Variants in UAP1L1 observed in about 807,000 individuals in gnomAD.
UAP1L1 encodes the protein UDP-N-acetylhexosamine pyrophosphorylase-like protein 1.
A neutral mutation model predicts 45.3 loss-of-function variants in UAP1L1; 45 were observed. The ratio of observed to expected loss-of-function variants is 0.99; its 90% CI spans 0.78 to 1.27. UAP1L1 has a LOEUF of 1.27. Ranked by LOEUF, UAP1L1 falls within the 50% of genes most tolerant of loss-of-function variation. UAP1L1 has a pLI of 0.00. For synonymous variants in UAP1L1, 323 were observed against 303.9 expected (o/e 1.06, Z -0.65); for missense variants, 667 against 694.0 (o/e 0.96, Z 0.44).
chr9:137,081,596 A>T (rs1226613093), intron 7 of UAP1L1, among the ~76,000 whole-genome samples: 3 of 151,716 alleles, frequency 2.0e-5, no homozygotes, highest in Admixed American at 6.6e-5. Flanking sequence ...CTTTTAGGGG[A>T]TCCATCACCC....
chr9:137,078,177 C>A lies in UAP1L1; in HGVS notation c.417C>A (p.Tyr139Ter). 1 of 1,550,026 alleles carries A rather than the reference C, an allele frequency of 6.5e-7. No homozygotes were observed. Among genetic ancestry groups the A allele is most frequent in the South Asian group, 1.2e-5 (1 of 84,050 alleles). The change falls in exon 2 of 9, where the codon TAC becomes TAA. Residue 139 changes from tyrosine (Y) to a stop codon, truncating the protein, a stop_gained. Coordinates refer to ENST00000409858, the MANE Select transcript of UAP1L1 (RefSeq NM_207309.3). LOFTEE classifies it high-confidence loss of function. ...GGCTGCCCAGCCGGAAGACCCTGTA[C>A]CAGCTGCAGGCGGAGCGGATTCGGC... ...RVGLPSRKTL[Y>*]QLQAERIRRV...
Position 137,077,529 on chromosome 9 carries a change from C to T in UAP1L1, c.-4C>T. ...GTGCCGACTTGACAGACGGCAGCGG[C>T]GACATGGCTTCGGAGCAGGACGTGC... On this transcript the variant is annotated 5_prime_UTR_variant, in exon 1 of 9. Transcript: ENST00000409858. The surrounding 1 kb of genome is among the most constrained non-coding windows in gnomAD (Gnocchi z 4.7). The T allele has an allele frequency of 7.3e-7, 1 of 1,366,824 alleles. No individual in the cohort carries two copies. The highest frequency in any genetic ancestry group is 1.4e-5 in the South Asian group (1 of 70,848). 84.7% of individuals were successfully genotyped at this position (1,366,824 alleles called of 1,614,324 possible). A position where few individuals can be genotyped will look rare whatever the true frequency, so the allele number is the denominator to read the frequency against.
rs546839127 is a variant in UAP1L1 at position 137,080,772 on chromosome 9, G to A, written c.1262G>A (p.Arg421His). The change falls in exon 7 of 9, where the codon CGC becomes CAC. Residue 421 changes from arginine (R) to histidine (H), a missense_variant. Physicochemically the swap from Arg to His is conservative, Grantham distance 29. Transcript: ENST00000409858. ...NAEPADRDSP[R>H]TARQALLTQH... ...GAGCCAGCCGACAGGGACAGTCCCC[G>A]CACCGCTCGCCAGGCCCTGCTCACC... is the stretch of plus-strand genomic sequence containing the variant. 1.1e-5 allele frequency: 17 copies of A among 1,612,732 alleles called. No individual in the cohort carries two copies. Among genetic ancestry groups the A allele is most frequent in the Middle Eastern group, 3.3e-4 (2 of 6,058 alleles).
chr9:137,081,190 ATTTATT>A (rs923934234), intron 7 of UAP1L1, among the ~76,000 whole-genome samples: 8 of 151,894 alleles, frequency 5.3e-5, no homozygotes, highest in Admixed American at 1.3e-4. Context: ...GCTTTTATTT[ATTTATT>A]TTTATTTTTA....
At position 137,080,680 on chromosome 9, in the gene UAP1L1, C is replaced by T. The variant is rs753594625; in HGVS notation, c.1179-9C>T. ...CTGGGACGTGGGTGACTAGCCCTTT[C>T]CCCACCAGGAACTTTGCTGCCTTGG... On this transcript the variant is annotated splice_polypyrimidine_tract_variant and intron_variant, in intron 6 of 8. Coordinates refer to ENST00000409858, the MANE Select transcript of UAP1L1 (RefSeq NM_207309.3). 6.2e-7 allele frequency: 1 copy of T among 1,605,876 alleles called. No homozygotes were observed. Among genetic ancestry groups the T allele is most frequent in the Non-Finnish European group, 8.5e-7 (1 of 1,176,198 alleles).
intron 6 of UAP1L1, 36 bp from the exon 7 acceptor site, chr9:137,080,653 T>G (rs759641994): frequency 1.3e-6 from 2 of 1,577,370 alleles, no homozygotes; most frequent in Admixed American, 1.7e-5. Context: ...AGGGCCTCTG[T>G]GCTGGGACGT....
rs1484708666 is a variant in UAP1L1, at chr9:137,082,368, G to A, written c.1432-269G>A. On this transcript the variant is annotated intron_variant, in intron 8 of 8. Transcript: ENST00000409858. This position sits in a 1 kb window ranked among gnomAD's most constrained non-coding sequence, Gnocchi z 5.7. Reference sequence around the variant, plus strand: ...GGACACCGGCCTCTGCTACCTCCCTGACCTCGGCTGCCCTTGCCCCTTTCT... The same window carrying A: ...GGACACCGGCCTCTGCTACCTCCCTAACCTCGGCTGCCCTTGCCCCTTTCT... The A allele has an allele frequency of 3.4e-6, 2 of 596,508 alleles. No homozygotes were observed. Among genetic ancestry groups the A allele is most frequent in the Non-Finnish European group, 6.0e-6 (2 of 335,998 alleles). 37.0% of individuals were successfully genotyped at this position (596,508 alleles called of 1,614,324 possible).
Position 137,077,917 on chromosome 9 carries a change from G to T in UAP1L1, c.289+96G>T. The T allele has an allele frequency of 6.7e-6, 10 of 1,498,252 alleles. No individual in the cohort carries two copies. The South Asian group carries it at 1.3e-4, about 19-fold the overall frequency. 92.8% of individuals were successfully genotyped at this position (1,498,252 alleles called of 1,614,324 possible). A position where few individuals can be genotyped will look rare whatever the true frequency, so the allele number is the denominator to read the frequency against. On this transcript the variant is annotated intron_variant, in intron 1 of 8. Coordinates refer to ENST00000409858, the MANE Select transcript of UAP1L1 (RefSeq NM_207309.3). This position sits in a 1 kb window ranked among gnomAD's most constrained non-coding sequence, Gnocchi z 4.7. ...CGCTCGGGGAACTGTAGTTCTCCTCGCTACTTTGAGACGTGTCTCGCCTCA... is the reference window on the plus strand; with the variant it reads ...CGCTCGGGGAACTGTAGTTCTCCTCTCTACTTTGAGACGTGTCTCGCCTCA...
intron 2 of UAP1L1, 36 bp downstream of exon 2, chr9:137,078,290 C>T (rs1206226597): frequency 6.6e-7 from 1 of 1,515,256 alleles, no homozygotes; most frequent in African/African-American, 1.4e-5. Context: ...CCCGGAGGTA[C>T]CCTTCCCCAC....
chr9:137,080,629 C>T, intron 6 of UAP1L1, 60 bp from the exon 7 acceptor site: 3 of 1,529,802 alleles, frequency 2.0e-6, no homozygotes, highest in South Asian at 2.5e-5. Flanking sequence ...GCCCAGCTCT[C>T]ACCTGCCCGG....
In UAP1L1 at chr9:137,082,553, G is replaced by T; in HGVS notation, c.1432-84G>T. Reference sequence around the variant, plus strand: ...CCAGGCAGACCTGGGATCGCACCTGGGGACTGTGGCTCTTGGTGTGGCCAG... The same window carrying T: ...CCAGGCAGACCTGGGATCGCACCTGTGGACTGTGGCTCTTGGTGTGGCCAG... On this transcript the variant is annotated intron_variant, in intron 8 of 8. Transcript: ENST00000409858. This position sits in a 1 kb window ranked among gnomAD's most constrained non-coding sequence, Gnocchi z 5.7. 8.7e-7 allele frequency: 1 copy of T among 1,153,700 alleles called. No individual in the cohort carries two copies. The highest frequency in any genetic ancestry group is 1.3e-6 in the Non-Finnish European group (1 of 791,606). 71.5% of individuals were successfully genotyped at this position (1,153,700 alleles called of 1,614,324 possible).
Position 137,078,095 on chromosome 9 carries a change from C to T in UAP1L1, c.335C>T (p.Ala112Val). Residue 112 changes from alanine (A) to valine (V), a missense_variant, in exon 2 of 9, where the codon GCT becomes GTT. Coordinates refer to ENST00000409858, the MANE Select transcript of UAP1L1 (RefSeq NM_207309.3). ...AACAAGGTGGCCGTCCTGCTGCTGGCTGGGGGGCAGGGCACTCGCCTGGGC... is the reference window on the plus strand; with the variant it reads ...AACAAGGTGGCCGTCCTGCTGCTGGTTGGGGGGCAGGGCACTCGCCTGGGC... Reference protein sequence around the residue: ...SLNKVAVLLLAGGQGTRLGVT... With the variant: ...SLNKVAVLLLVGGQGTRLGVT... The T allele has an allele frequency of 6.5e-7, 1 of 1,550,258 alleles. No homozygotes were observed. Among genetic ancestry groups the T allele is most frequent in the South Asian group, 1.2e-5 (1 of 84,068 alleles).
intron 5 of UAP1L1, 129 bp from the exon 6 acceptor site, chr9:137,079,873 C>A: frequency 8.9e-7 from 1 of 1,125,666 alleles, no homozygotes; most frequent in Non-Finnish European, 1.3e-6. Context: ...TCTGCCGCTT[C>A]TGTGCCCTGT....
In UAP1L1 at chr9:137,079,985, G is replaced by T. The variant is rs1588572287; in HGVS notation, c.1038-17G>T. On this transcript the variant is annotated splice_polypyrimidine_tract_variant and intron_variant, in intron 5 of 8. Coordinates refer to ENST00000409858, the MANE Select transcript of UAP1L1 (RefSeq NM_207309.3). ...CTGATCTGTTTCTTTCCTCCCCTCT[G>T]CTCTCCCGTGCCCCAGGGAGTTTGA... The T allele has an allele frequency of 2.5e-6, 4 of 1,612,456 alleles. No homozygotes were observed. Among genetic ancestry groups the T allele is most frequent in the African/African-American group, 1.3e-5 (1 of 74,442 alleles).
chr9:137,084,302 G>A lies in UAP1L1; in HGVS notation c.*1573G>A, dbSNP rs1238619930. ...CTCCAGGCCAGCCTCAGCCTCCCTA[G>A]TAGCTGGGACTACAGGCACCCACTA... On this transcript the variant is annotated 3_prime_UTR_variant, in exon 9 of 9. Transcript: ENST00000409858. 1.3e-5 allele frequency: 2 copies of A among 152,158 alleles called. No individual in the cohort carries two copies. The highest frequency in any genetic ancestry group is 4.8e-5 in the African/African-American group (2 of 41,416). 9.4% of individuals were successfully genotyped at this position (152,158 alleles called of 1,614,324 possible).
chr9:137,079,254 A>T lies in UAP1L1; in HGVS notation c.844-2A>T. 1 of 1,606,802 alleles carries T rather than the reference A, an allele frequency of 6.2e-7. No individual in the cohort carries two copies. Among genetic ancestry groups the T allele is most frequent in the Non-Finnish European group, 8.5e-7 (1 of 1,176,008 alleles). ...GGAACCCATCCCTGGTCTTGGCTGC[A>T]GGTGGTGGAAAAGGCATACCCCGAG... On this transcript the variant is annotated splice_acceptor_variant, in intron 4 of 8. Transcript: ENST00000409858. LOFTEE classifies it high-confidence loss of function.
chr9:137,080,331 A>T, intron 6 of UAP1L1, 189 bp downstream of exon 6: 1 of 686,936 alleles, frequency 1.5e-6, no homozygotes, highest in Non-Finnish European at 2.5e-6. Context: ...GGGCATAGGG[A>T]GTCCTTGGGG....
Position 137,078,876 on chromosome 9 carries a change from G to A in UAP1L1, c.671-100G>A. 3.5e-6 allele frequency: 5 copies of A among 1,435,088 alleles called. No homozygotes were observed. The South Asian group carries it at 7.1e-5, about 20-fold the overall frequency. The allele number at this position is 1,435,088 out of a possible 1,614,324, so 88.9% of individuals were successfully genotyped here. A position where few individuals can be genotyped will look rare whatever the true frequency, so the allele number is the denominator to read the frequency against. ...TGGTTAGTGACCAGGGCTGCCTTAG[G>A]CACAAGGCCGGGGCTTCCCCCGCCT... On this transcript the variant is annotated intron_variant, in intron 3 of 8. Transcript: ENST00000409858.
intron 6 of UAP1L1, 144 bp downstream of exon 6, chr9:137,080,286 C>T (rs1409634223): frequency 2.8e-6 from 3 of 1,078,846 alleles, no homozygotes; most frequent in Non-Finnish European, 4.1e-6. Flanking sequence ...CCAGAGGGTG[C>T]TCTTGGCCCT....
Sources: allele counts gnomAD v4.1 joint callset (sites outside exome capture counted in the v4.1 genomes callset), GRCh38; gene constraint gnomAD v4.1.1; non-coding constraint Gnocchi (gnomAD v3.1); transcripts MANE v1.5; gene names NCBI Gene and HGNC (gene_info 2026-07-23, HGNC 2026-07-21).